The following CARD8 variants were observed in gnomAD, a reference collection of about 807,000 sequenced individuals.
CARD8 encodes caspase recruitment domain family member 8.
CARD8 carries 38 observed loss-of-function variants against 53.2 expected under a neutral mutation model. That is an observed-to-expected ratio of 0.71 (90% CI 0.55 to 0.94). The LOEUF (loss-of-function observed/expected upper bound fraction) is 0.94. CARD8 is among the 40% of genes least tolerant of loss of function. CARD8 has a pLI of 0.00. For synonymous variants in CARD8, 245 were observed against 244.9 expected (o/e 1.00, Z 0.00); for missense variants, 561 against 655.5 (o/e 0.86, Z 1.57).
chr19:48,226,404 T>C (rs12609126), intron 10 of CARD8, among the ~76,000 whole-genome samples: 44,752 of 151,884 alleles, frequency 0.29, 6,921 homozygotes, highest in East Asian at 0.47. Flanking sequence ...TTTGTATTTT[T>C]AGTACAGATG....
chr19:48,241,574 A>G (rs1714602920), intron 3 of CARD8, among the ~76,000 whole-genome samples: 2 of 152,006 alleles, frequency 1.3e-5, no homozygotes, highest in Admixed American at 6.6e-5. Context: ...AAATTCTTTT[A>G]TTTTTGATGT....
chr19:48,249,492 A>G (rs1181099018), intron 3 of CARD8, 31 bp downstream of exon 3: 4 of 152,334 alleles, frequency 2.6e-5, no homozygotes, highest in African/African-American at 9.6e-5. Context: ...ACTCTGCAGA[A>G]GTAAGTGTAG....
downstream of CARD8, among the ~76,000 whole-genome samples, chr19:48,207,922 GAC>G (rs779459515): frequency 1.1e-4 from 16 of 151,470 alleles, no homozygotes; most frequent in East Asian, 2.9e-3. Flanking sequence ...TTTTAGTAGA[GAC>G]GGGGTTTCAC....
intron 13 of CARD8, chr19:48,213,223 G>C (rs912001475): frequency 3.3e-5 from 5 of 152,138 alleles, no homozygotes; most frequent in Non-Finnish European, 7.3e-5. Context: ...CACAGATCCA[G>C]AGGACATTGC....
chr19:48,230,342 T>C (rs1477655300), intron 10 of CARD8, 96 bp downstream of exon 10: 1 of 1,371,352 alleles, frequency 7.3e-7, no homozygotes, highest in East Asian at 2.3e-5. Flanking sequence ...AAACCATGCC[T>C]TGCCCTTTCT....
At chr19:48,231,900 G>A (rs748346678) in intron 7 of CARD8, 90 bp from the exon 8 acceptor site, 3 of 1,128,256 alleles carry the variant, frequency 2.7e-6, no homozygotes, top group African/African-American at 1.5e-5. Flanking sequence ...CACAGGTGCT[G>A]TTGGGATACA....
chr19:48,219,519 A>G (rs2040055356), intron 11 of CARD8, among the ~76,000 whole-genome samples: 1 of 152,166 alleles, frequency 6.6e-6, no homozygotes, highest in Non-Finnish European at 1.5e-5. Context: ...AGAATTAGGA[A>G]AAGCTTAGCT....
chr19:48,232,985 C>T (rs916396403), intron 6 of CARD8: 3 of 355,444 alleles, frequency 8.4e-6, no homozygotes, highest in East Asian at 7.4e-5. Context: ...CATACGATGT[C>T]GGAATCAAAG....
At chr19:48,251,134 A>G (rs2046887486) in intron 1 of CARD8, among the ~76,000 whole-genome samples, 1 of 152,218 alleles carries the variant, frequency 6.6e-6, no homozygotes, top group Non-Finnish European at 1.5e-5. Context: ...TATTAGCAAC[A>G]TCACAGACAA....
At chr19:48,232,012 T>A (rs769762023) in intron 7 of CARD8, 1 of 668,932 alleles carries the variant, frequency 1.5e-6, no homozygotes, top group South Asian at 1.5e-5. Flanking sequence ...ACTAAACGTA[T>A]ACACCAAATT....
intron 10 of CARD8, among the ~76,000 whole-genome samples, chr19:48,223,566 T>C (rs2041127527): frequency 6.6e-6 from 1 of 152,200 alleles, no homozygotes; most frequent in African/African-American, 2.4e-5. Context: ...TAACATATCA[T>C]ACCATCTCTG....
chr19:48,246,618 T>TAA (rs3078196), intron 3 of CARD8, among the ~76,000 whole-genome samples: 24,243 of 150,490 alleles, frequency 0.16, 2,000 homozygotes, highest in East Asian at 0.32. Flanking sequence ...AAATCAATAA[T>TAA]AAAAAAAAAC....
chr19:48,226,990 A>C (rs2041911109), intron 10 of CARD8, among the ~76,000 whole-genome samples: 1 of 151,732 alleles, frequency 6.6e-6, no homozygotes, highest in African/African-American at 2.4e-5. Flanking sequence ...CCGGTGAGGC[A>C]TGAGAATCAC....
chr19:48,204,021 G>T, downstream of CARD8: 2 of 378,582 alleles, frequency 5.3e-6, no homozygotes, highest in South Asian at 3.7e-5. Flanking sequence ...TGCAGGCTGC[G>T]GGGTGTTTCC....
At chr19:48,231,982 C>T (rs960282144) in intron 7 of CARD8, 172 bp from the exon 8 acceptor site, 3 of 701,274 alleles carry the variant, frequency 4.3e-6, no homozygotes, top group East Asian at 5.5e-5. Context: ...AAGAAAGGCA[C>T]AAGAATGTTC....
chr19:48,221,882 G>C, intron 10 of CARD8, 27 bp from the exon 11 acceptor site: 3 of 1,550,648 alleles, frequency 1.9e-6, no homozygotes, highest in African/African-American at 1.4e-5. Context: ...AGAAACATTA[G>C]AGAGCACAAA....
chr19:48,206,612 G>T, downstream of CARD8: 1 of 427,728 alleles, frequency 2.3e-6, no homozygotes, highest in South Asian at 1.6e-5. Flanking sequence ...GGCCTCTAAA[G>T]GGCACCTAGG....
At chr19:48,208,015 C>CAGTTGGGATTGAA (rs71181660), downstream of CARD8, 1 of 151,708 alleles carries the variant, frequency 6.6e-6, no homozygotes, top group Non-Finnish European at 1.5e-5. Context: ...GGATTACAGG[C>CAGTTGGGATTGAA]GTGAGCCACT....
At chr19:48,228,775 G>C (rs867417125) in intron 10 of CARD8, among the ~76,000 whole-genome samples, 3 of 152,050 alleles carry the variant, frequency 2.0e-5, no homozygotes, top group African/African-American at 4.8e-5. Context: ...AGGATGCCTC[G>C]GGTGTGGCTC....
Sources: allele counts gnomAD v4.1 joint callset (sites outside exome capture counted in the v4.1 genomes callset), GRCh38; gene constraint gnomAD v4.1.1; transcripts MANE v1.5; gene names NCBI Gene and HGNC (gene_info 2026-07-23, HGNC 2026-07-21).